Variants in TEAD1 observed in about 807,000 individuals in gnomAD.
TEAD1 encodes TEA domain transcription factor 1.
TEAD1 carries 9 observed loss-of-function variants against 54.9 expected under a neutral mutation model. That is an observed-to-expected ratio of 0.16 (90% CI 0.10 to 0.29). The LOEUF (loss-of-function observed/expected upper bound fraction) is 0.29. TEAD1 is among the 10% of genes least tolerant of loss of function. The pLI, the probability that TEAD1 is intolerant of heterozygous loss-of-function variation, is 1.00. For missense variants in TEAD1, 387 were observed against 535.9 expected (o/e 0.72, Z 2.74); for synonymous variants, 200 against 187.8 (o/e 1.07, Z -0.53).
chr11:12,937,259 A>C lies in TEAD1; in HGVS notation c.*37A>C, dbSNP rs111478525. On this transcript the variant is annotated 3_prime_UTR_variant, in exon 13 of 13. Transcript: ENST00000527636. ...TATATATATAGATATCTGTATATACACACACACATATGTGCACACACACAC... is the reference window on the plus strand; with the variant it reads ...TATATATATAGATATCTGTATATACCCACACACATATGTGCACACACACAC... The C allele has an allele frequency of 2.1e-6, 3 of 1,402,532 alleles. No individual in the cohort carries two copies. Among genetic ancestry groups the C allele is most frequent in the Admixed American group, 3.4e-5 (2 of 59,318 alleles). 86.9% of individuals were successfully genotyped at this position (1,402,532 alleles called of 1,614,324 possible).
chr11:12,920,458 C>G (rs1388323352), intron 10 of TEAD1, among the ~76,000 whole-genome samples: 1 of 152,194 alleles, frequency 6.6e-6, no homozygotes, highest in East Asian at 1.9e-4. Context: ...GCTTATTTCA[C>G]TGTGTTCCCT....
intron 11 of TEAD1, among the ~76,000 whole-genome samples, chr11:12,925,380 A>G (rs955441155): frequency 2.6e-5 from 4 of 152,168 alleles, no homozygotes; most frequent in African/African-American, 9.7e-5. Context: ...ACCACCACAC[A>G]CTTTTAAACC....
chr11:12,862,168 G>A, intron 3 of TEAD1, 82 bp from the exon 4 acceptor site: 2 of 1,098,694 alleles, frequency 1.8e-6, no homozygotes, highest in Non-Finnish European at 2.8e-6. Context: ...TCTTGATTCT[G>A]AATTTTGTTT....
At chr11:12,874,539 T>C (rs1947816583) in intron 5 of TEAD1, among the ~76,000 whole-genome samples, 1 of 152,222 alleles carries the variant, frequency 6.6e-6, no homozygotes. Flanking sequence ...CTGTTTTTAC[T>C]TAGAACAATA....
At chr11:12,738,433 A>G (rs1444187829) in intron 2 of TEAD1, among the ~76,000 whole-genome samples, 2 of 152,214 alleles carry the variant, frequency 1.3e-5, no homozygotes, top group Non-Finnish European at 2.9e-5. Context: ...CTGTTCCTGT[A>G]AAGAAGAAAA....
intron 9 of TEAD1, among the ~76,000 whole-genome samples, chr11:12,895,643 G>A (rs1948300801): frequency 6.6e-6 from 1 of 152,298 alleles, no homozygotes; most frequent in East Asian, 1.9e-4. Flanking sequence ...TTTCAAGATA[G>A]TTTTTGATTG....
intron 2 of TEAD1, among the ~76,000 whole-genome samples, chr11:12,732,525 C>T (rs1023590741): frequency 2.0e-5 from 3 of 152,028 alleles, no homozygotes; most frequent in Admixed American, 6.6e-5. Context: ...GAGGAGCTTC[C>T]AGTGAGGAGG....
intron 10 of TEAD1, among the ~76,000 whole-genome samples, chr11:12,917,964 A>G (rs946894858): frequency 2.6e-5 from 4 of 152,228 alleles, no homozygotes; most frequent in East Asian, 1.9e-4. Context: ...CTAGTTTTCA[A>G]CTGTTTCTTG....
chr11:12,762,567 C>A (rs2133923528), intron 2 of TEAD1, among the ~76,000 whole-genome samples: 3 of 152,116 alleles, frequency 2.0e-5, no homozygotes, highest in African/African-American at 7.2e-5. Flanking sequence ...CTGACAAGTT[C>A]TTTGAATGAT....
chr11:12,687,379 T>A (rs1943356004), intron 2 of TEAD1, among the ~76,000 whole-genome samples: 1 of 152,204 alleles, frequency 6.6e-6, no homozygotes, highest in African/African-American at 2.4e-5. Context: ...AAGGGAAGGC[T>A]GACAGGCCAG....
At chr11:12,784,783 A>G (rs1383813422) in intron 3 of TEAD1, among the ~76,000 whole-genome samples, 4 of 152,166 alleles carry the variant, frequency 2.6e-5, no homozygotes, top group East Asian at 3.9e-4. Context: ...AAGCTGGCCT[A>G]CGCTCCATGT....
In TEAD1 at chr11:12,721,329, T is replaced by C; in HGVS notation, c.-54-42850T>C. 1.3e-5 allele frequency among the ~76,000 whole-genome samples: 2 copies of C among 152,206 alleles called. 1 individual carries two copies. The highest frequency in any genetic ancestry group is 4.1e-4 in the South Asian group (2 of 4,832). On this transcript the variant is annotated intron_variant, in intron 2 of 12. Coordinates refer to ENST00000527636, the MANE Select transcript of TEAD1 (RefSeq NM_021961.6). ...AGGTTCAGGAGCACCACATTTTTTC[T>C]GGCTCTTGCGAGTGCCTACTGTTCA... is the stretch of plus-strand genomic sequence containing the variant.
chr11:12,773,269 C>G (rs182643583), intron 3 of TEAD1, among the ~76,000 whole-genome samples: 1 of 152,336 alleles, frequency 6.6e-6, no homozygotes, highest in Admixed American at 6.5e-5. Flanking sequence ...TAAGTATTCA[C>G]TTACATGGGA....
At chr11:12,925,430 G>A (rs1589995509) in intron 11 of TEAD1, among the ~76,000 whole-genome samples, 1 of 152,174 alleles carries the variant, frequency 6.6e-6, no homozygotes, top group Non-Finnish European at 1.5e-5. Flanking sequence ...CACAGGAACA[G>A]CCTGGGGGCC....
chr11:12,701,217 G>A (rs1338827296), intron 2 of TEAD1, among the ~76,000 whole-genome samples: 1 of 151,944 alleles, frequency 6.6e-6, no homozygotes, highest in Non-Finnish European at 1.5e-5. Context: ...TGTTTACTTA[G>A]ATTTTTTTTT....
At position 12,862,436 on chromosome 11, in the gene TEAD1, T is replaced by C. The variant is rs1947525029; in HGVS notation, c.267+122T>C. ...CCAATTTGAGTTCCCTGTAAGGACG[T>C]CAGTGTTGGAGGTATTTTAAATTGG... On this transcript the variant is annotated intron_variant, in intron 4 of 12. Transcript: ENST00000527636. 3.7e-6 allele frequency: 3 copies of C among 808,110 alleles called. No homozygotes were observed. The Admixed American group carries it at 5.7e-5, about 15-fold the overall frequency. 50.1% of individuals were successfully genotyped at this position (808,110 alleles called of 1,614,324 possible).
chr11:12,776,763 A>T (rs1025721292), intron 3 of TEAD1, among the ~76,000 whole-genome samples: 1 of 65,766 alleles, frequency 1.5e-5, no homozygotes, highest in African/African-American at 7.8e-5. Context: ...GATATTTATT[A>T]TTATTATTAT....
chr11:12,802,618 C>G (rs187847447), intron 3 of TEAD1, among the ~76,000 whole-genome samples: 2 of 152,294 alleles, frequency 1.3e-5, no homozygotes, highest in Admixed American at 1.3e-4. Flanking sequence ...GCTTCCTTCC[C>G]TGAGAGGTTC....
intron 2 of TEAD1, among the ~76,000 whole-genome samples, chr11:12,717,082 T>A (rs1295478212): frequency 6.6e-6 from 1 of 152,128 alleles, no homozygotes; most frequent in Non-Finnish European, 1.5e-5. Flanking sequence ...TTGTAGATCT[T>A]CAGAGGATGA....
Sources: gnomAD v4.1 joint callset for allele counts (sites outside exome capture counted in the v4.1 genomes callset) on GRCh38, gnomAD v4.1.1 for gene constraint, MANE v1.5 for transcripts, NCBI Gene and HGNC (gene_info 2026-07-23, HGNC 2026-07-21) for gene names.